Variants in CD44 observed in about 807,000 individuals in gnomAD.
CD44 encodes the protein CD44 molecule (IN blood group), also known as CD44 antigen.
CD44 carries 49 observed loss-of-function variants against 88.8 expected under a neutral mutation model. The ratio of observed to expected loss-of-function variants is 0.55; its 90% CI spans 0.44 to 0.70. The LOEUF (loss-of-function observed/expected upper bound fraction) is 0.70, where lower values mean the gene tolerates loss of function less well. Among genes scored for constraint, CD44 ranks in the 30% least tolerant of loss-of-function variants. The pLI, the probability that CD44 is intolerant of heterozygous loss-of-function variation, is 0.00. For synonymous variants in CD44, 325 were observed against 312.3 expected (o/e 1.04, Z -0.43); for missense variants, 883 against 913.8 (o/e 0.97, Z 0.43).
intron 15 of CD44, among the ~76,000 whole-genome samples, chr11:35,216,073 G>A (rs1366043869): frequency 6.6e-6 from 1 of 151,530 alleles, no homozygotes; most frequent in East Asian, 1.9e-4. Context: ...AGAGAGTGAT[G>A]GAGCCACCTT....
chr11:35,174,027 C>T (rs1944191607), intron 1 of CD44, among the ~76,000 whole-genome samples: 1 of 152,162 alleles, frequency 6.6e-6, no homozygotes, highest in Non-Finnish European at 1.5e-5. Flanking sequence ...ATACATAAAA[C>T]TCACCTTTCA....
At chr11:35,220,556 T>C (rs1949209328) in intron 16 of CD44, among the ~76,000 whole-genome samples, 1 of 152,162 alleles carries the variant, frequency 6.6e-6, no homozygotes, top group African/African-American at 2.4e-5. Flanking sequence ...TACAACCCAC[T>C]TTGCAACTGA....
chr11:35,199,932 T>C (rs34932141), intron 7 of CD44, among the ~76,000 whole-genome samples: 3 of 45,640 alleles, frequency 6.6e-5, no homozygotes, highest in Admixed American at 5.9e-4. Flanking sequence ...TCCCATGGTG[T>C]TGTTTTTTTT....
At chr11:35,149,618 T>C (rs910800986) in intron 1 of CD44, among the ~76,000 whole-genome samples, 2 of 152,246 alleles carry the variant, frequency 1.3e-5, no homozygotes, top group African/African-American at 4.8e-5. Flanking sequence ...CTTCTATTTT[T>C]CCATGTGTAA....
chr11:35,175,864 C>CTTTT (rs71457374), intron 1 of CD44, among the ~76,000 whole-genome samples: 61 of 123,144 alleles, frequency 5.0e-4, no homozygotes, highest in African/African-American at 1.8e-3. Context: ...TTTGTTTGTT[C>CTTTT]TTTTTTTTTT....
chr11:35,191,819 C>T (rs1028833771), intron 5 of CD44, among the ~76,000 whole-genome samples: 10 of 152,200 alleles, frequency 6.6e-5, no homozygotes, highest in African/African-American at 2.4e-4. Context: ...TGTATCTTCC[C>T]TTCCTAAGTT....
Position 35,196,863 on chromosome 11 carries a change from C to T in CD44, c.785C>T (p.Thr262Ile), listed in dbSNP as rs770127798. 1.1e-5 allele frequency: 17 copies of T among 1,613,312 alleles called. No homozygotes were observed. The South Asian group carries it at 1.6e-4, about 16-fold the overall frequency. ...TCAAAGAATCATCTTCACACAACAA[C>T]ACAAATGGCTGGTAATGAGTTATTA... ...SESKNHLHTTTQMAGTSSNTI... is the reference protein window; with the variant it reads ...SESKNHLHTTIQMAGTSSNTI... The change falls in exon 6 of 18, where the codon ACA becomes ATA. Residue 262 changes from threonine (T) to isoleucine (I), a missense_variant. Transcript: ENST00000428726.
intron 5 of CD44, among the ~76,000 whole-genome samples, chr11:35,195,647 G>GT (rs1946669514): frequency 6.6e-6 from 1 of 151,754 alleles, no homozygotes; most frequent in Admixed American, 6.6e-5. Flanking sequence ...CTTGTTCTCA[G>GT]TTTTTTGTCT....
chr11:35,147,393 C>T (rs757670703), intron 1 of CD44, among the ~76,000 whole-genome samples: 15 of 152,262 alleles, frequency 9.9e-5, no homozygotes, highest in Non-Finnish European at 1.8e-4. Flanking sequence ...TTCTCTCCAG[C>T]CCTAGCCTAA....
At chr11:35,170,849 A>C (rs1412327642) in intron 1 of CD44, among the ~76,000 whole-genome samples, 2 of 152,198 alleles carry the variant, frequency 1.3e-5, no homozygotes, top group Non-Finnish European at 2.9e-5. Flanking sequence ...TGCCAGAGAC[A>C]CTGGCACTCT....
chr11:35,160,588 T>C (rs1942472753), intron 1 of CD44, among the ~76,000 whole-genome samples: 1 of 152,154 alleles, frequency 6.6e-6, no homozygotes, highest in Admixed American at 6.5e-5. Context: ...GAGGGATGGG[T>C]TGGCTGGGAC....
chr11:35,164,748 A>T (rs1400235466), intron 1 of CD44, among the ~76,000 whole-genome samples: 1 of 152,246 alleles, frequency 6.6e-6, no homozygotes, highest in African/African-American at 2.4e-5. Context: ...AAGTTGCAAG[A>T]TATTTGTGTT....
At chr11:35,145,547 G>T (rs536432623) in intron 1 of CD44, among the ~76,000 whole-genome samples, 2 of 152,176 alleles carry the variant, frequency 1.3e-5, no homozygotes, top group South Asian at 2.1e-4. Flanking sequence ...TAAAGACAGG[G>T]TTACTAGATA....
At chr11:35,201,850 G>A (rs1947349536) in intron 9 of CD44, 63 bp downstream of exon 9, 2 of 1,548,758 alleles carry the variant, frequency 1.3e-6, no homozygotes, top group South Asian at 2.3e-5. Flanking sequence ...TCCAGCAATA[G>A]GGAAGATTTT....
chr11:35,139,497 T>TG lies in CD44; in HGVS notation c.67+130dup. 3.6e-6 allele frequency: 3 copies of TG among 836,522 alleles called. 1 individual carries two copies. In the South Asian group the frequency reaches 4.2e-5, roughly 12 times the overall value. The allele number at this position is 836,522 out of a possible 1,614,324, so 51.8% of individuals were successfully genotyped here. A position where few individuals can be genotyped will look rare whatever the true frequency, so the allele number is the denominator to read the frequency against. On this transcript the variant is annotated intron_variant, in intron 1 of 17. Coordinates refer to ENST00000428726, the MANE Select transcript of CD44 (RefSeq NM_000610.4). ...CAAGTGAGCTGTCTGCGAAGTGCATTGGGCTCCGGAAAGCAGGGCTGGGAT... is the reference window on the plus strand; with the variant it reads ...CAAGTGAGCTGTCTGCGAAGTGCATTGGGGCTCCGGAAAGCAGGGCTGGGAT...
At chr11:35,176,465 A>G (rs886662845) in intron 1 of CD44, 110 bp from the exon 2 acceptor site, 7 of 956,564 alleles carry the variant, frequency 7.3e-6, no homozygotes, top group Non-Finnish European at 1.1e-5. Context: ...GGCATGAGCC[A>G]CCGCGCCCGG....
intron 3 of CD44, among the ~76,000 whole-genome samples, chr11:35,184,091 G>A (rs554372034): frequency 6.6e-6 from 1 of 152,218 alleles, no homozygotes; most frequent in South Asian, 2.1e-4. Flanking sequence ...ACCTCACCAG[G>A]TCTAGCTTTC....
intron 1 of CD44, among the ~76,000 whole-genome samples, chr11:35,172,080 C>T (rs1453823046): frequency 6.6e-6 from 1 of 152,140 alleles, no homozygotes; most frequent in African/African-American, 2.4e-5. Flanking sequence ...GTTCTTTGAC[C>T]TTCCAGAAAG....
chr11:35,176,538 A>T, intron 1 of CD44, 37 bp from the exon 2 acceptor site: 1 of 1,580,620 alleles, frequency 6.3e-7, no homozygotes, highest in Non-Finnish European at 8.6e-7. Context: ...CAAATTATTT[A>T]TGCAAAAGAA....
Sources: allele counts gnomAD v4.1 joint callset (sites outside exome capture counted in the v4.1 genomes callset), GRCh38; gene constraint gnomAD v4.1.1; transcripts MANE v1.5; gene names NCBI Gene and HGNC (gene_info 2026-07-23, HGNC 2026-07-21).